CSGALNACT1: variants seen among roughly 807,000 people sequenced by gnomAD.
The protein encoded by CSGALNACT1 is chondroitin sulfate N-acetylgalactosaminyltransferase 1.
Under a neutral mutation model 51.0 loss-of-function variants are expected in CSGALNACT1, and 52 were observed. The observed-to-expected ratio is 1.02, with a 90% CI of 0.82 to 1.29. The LOEUF (loss-of-function observed/expected upper bound fraction) is 1.29, where lower values mean the gene tolerates loss of function less well. Among genes scored for constraint, CSGALNACT1 ranks in the 50% most tolerant of loss-of-function variants. CSGALNACT1 has a pLI of 0.00. For missense variants in CSGALNACT1, 935 were observed against 679.2 expected, an observed-to-expected ratio of 1.38 and a Z score of -4.19; for synonymous variants, 341 against 254.4, an observed-to-expected ratio of 1.34 and a Z score of -3.24.
exon 10 of CSGALNACT1, chr8:19,405,984 T>A (rs779606427): frequency 6.2e-7 from 1 of 1,614,206 alleles, no homozygotes; most frequent in South Asian, 1.1e-5. Context: ...CAGGCGTCCG[T>A]ACCACTATGA....
At chr8:19,475,736 T>C (rs759617618) in intron 4 of CSGALNACT1, among the ~76,000 whole-genome samples, 16 of 152,220 alleles carry the variant, frequency 1.1e-4, no homozygotes, top group Non-Finnish European at 2.4e-4. Context: ...AATAATCTGC[T>C]CAGAACGCCA....
In CSGALNACT1 at chr8:19,405,817, C is replaced by G. The variant is rs61910741; in HGVS notation, c.1562G>C (p.Arg521Pro). The change falls in exon 10 of 10, where the codon CGC becomes CCC. Residue 521 changes from arginine (R) to proline (P), a missense_variant. Arg to Pro is a moderately radical substitution (Grantham distance 103). Coordinates refer to ENST00000454498, the Ensembl canonical transcript of CSGALNACT1. ...GCTACTTGTCTTCTGTTTCTGTTTG[C>G]GAAGGTGAGCCTCTATCTCGTGCCT... 5.3e-3 allele frequency: 8,561 copies of G among 1,614,096 alleles called. 36 individuals carry two copies. The highest frequency in any genetic ancestry group is 6.5e-3 in the Non-Finnish European group (7,655 of 1,180,016).
At chr8:19,613,502 T>TGTCA (rs1306457972) in intron 1 of CSGALNACT1, among the ~76,000 whole-genome samples, 12 of 152,384 alleles carry the variant, frequency 7.9e-5, no homozygotes, top group Admixed American at 3.9e-4. Context: ...TCCAGATATC[T>TGTCA]GTCATTTTTA....
chr8:19,583,039 T>C (rs1013184901), intron 3 of CSGALNACT1, among the ~76,000 whole-genome samples: 1 of 152,164 alleles, frequency 6.6e-6, no homozygotes, highest in African/African-American at 2.4e-5. Context: ...ATATATACAC[T>C]GGAGAAAAAA....
At chr8:19,716,539 A>G (rs2062816376) in intron 1 of CSGALNACT1, among the ~76,000 whole-genome samples, 1 of 136,224 alleles carries the variant, frequency 7.3e-6, no homozygotes, top group Non-Finnish European at 1.5e-5. Flanking sequence ...GTACTTTGGG[A>G]GGCTGAGGCA....
At chr8:19,683,618 A>G (rs183108617), upstream of CSGALNACT1, among the ~76,000 whole-genome samples, 1 of 152,190 alleles carries the variant, frequency 6.6e-6, no homozygotes, top group Non-Finnish European at 1.5e-5. Flanking sequence ...TACCAAGCAC[A>G]TGAAAGGAAA....
intron 1 of CSGALNACT1, among the ~76,000 whole-genome samples, chr8:19,625,155 G>T (rs1282906145): frequency 6.6e-6 from 1 of 152,306 alleles, no homozygotes; most frequent in Non-Finnish European, 1.5e-5. Context: ...GATGGAGAGG[G>T]ACTGTAAAGT....
At chr8:19,405,776 G>A (rs762502764) in exon 10 of CSGALNACT1, 23 of 1,613,990 alleles carry the variant, frequency 1.4e-5, no homozygotes, top group Admixed American at 1.2e-4. Flanking sequence ...CCTTCTCTGG[G>A]AGTTCATGTT....
chr8:19,601,253 A>G (rs991712072), intron 2 of CSGALNACT1, among the ~76,000 whole-genome samples: 1 of 152,224 alleles, frequency 6.6e-6, no homozygotes, highest in Non-Finnish European at 1.5e-5. Context: ...AGAGCTCTAG[A>G]CAGTGTCCCT....
At chr8:19,680,133 C>T (rs1483546193) in intron 1 of CSGALNACT1, among the ~76,000 whole-genome samples, 1 of 152,204 alleles carries the variant, frequency 6.6e-6, no homozygotes, top group East Asian at 1.9e-4. Context: ...GCCTATTTCA[C>T]TTGTAAACTA....
intron 3 of CSGALNACT1, among the ~76,000 whole-genome samples, chr8:19,531,108 T>G (rs567226492): frequency 1.3e-5 from 2 of 152,308 alleles, no homozygotes; most frequent in East Asian, 3.9e-4. Flanking sequence ...AAAGAAAAAT[T>G]AAAACCTTAG....
chr8:19,725,077 C>T (rs1308841863), intron 1 of CSGALNACT1, among the ~76,000 whole-genome samples: 2 of 152,212 alleles, frequency 1.3e-5, no homozygotes, highest in African/African-American at 4.8e-5. Flanking sequence ...CTAACTATTG[C>T]TGTTTAACCT....
At chr8:19,714,315 A>G (rs1161960027) in intron 1 of CSGALNACT1, among the ~76,000 whole-genome samples, 1 of 148,766 alleles carries the variant, frequency 6.7e-6, no homozygotes, top group African/African-American at 2.4e-5. Context: ...CAACTGTTGG[A>G]GTATAACATA....
exon 4 of CSGALNACT1, chr8:19,505,863 G>A: frequency 6.2e-7 from 1 of 1,604,528 alleles, no homozygotes. Context: ...TCCAGAACCG[G>A]TGGCATCCCT....
intron 2 of CSGALNACT1, among the ~76,000 whole-genome samples, chr8:19,598,753 AG>A (rs2049539387): frequency 6.6e-6 from 1 of 152,214 alleles, no homozygotes; most frequent in African/African-American, 2.4e-5. Context: ...GGGTGAGTTC[AG>A]GAGACGACTG....
intron 3 of CSGALNACT1, among the ~76,000 whole-genome samples, chr8:19,514,490 T>TATATATATAC (rs2079103875): frequency 1.2e-5 from 1 of 86,222 alleles, no homozygotes; most frequent in African/African-American, 4.3e-5. Flanking sequence ...TATATATATA[T>TATATATATAC]ATATATATAT....
intron 1 of CSGALNACT1, among the ~76,000 whole-genome samples, chr8:19,748,434 A>G (rs1371012614): frequency 6.6e-6 from 1 of 152,220 alleles, no homozygotes; most frequent in African/African-American, 2.4e-5. Flanking sequence ...GAATAGAAAT[A>G]GGAGATATAA....
chr8:19,732,713 A>G (rs952297826), intron 1 of CSGALNACT1: 4 of 152,242 alleles, frequency 2.6e-5, no homozygotes, highest in Non-Finnish European at 5.9e-5. Flanking sequence ...GAAAAGTTAC[A>G]TATATGGATC....
chr8:19,492,087 C>T (rs1587123978), intron 4 of CSGALNACT1, among the ~76,000 whole-genome samples: 1 of 152,172 alleles, frequency 6.6e-6, no homozygotes, highest in African/African-American at 2.4e-5. Flanking sequence ...TTTACAATGC[C>T]ACTCATGGGA....
Sources: allele counts gnomAD v4.1 joint callset (sites outside exome capture counted in the v4.1 genomes callset), GRCh38; gene constraint gnomAD v4.1.1; transcripts MANE v1.5; gene names NCBI Gene and HGNC (gene_info 2026-07-23, HGNC 2026-07-21).